Variants in PDE1A observed in about 807,000 individuals in gnomAD.
The protein encoded by PDE1A is dual specificity calcium/calmodulin-dependent 3',5'-cyclic nucleotide phosphodiesterase 1A.
A neutral mutation model predicts 61.7 loss-of-function variants in PDE1A; 35 were observed. The ratio of observed to expected loss-of-function variants is 0.57; its 90% confidence interval spans 0.43 to 0.75. The LOEUF (loss-of-function observed/expected upper bound fraction) is 0.75. Ranked by LOEUF, PDE1A falls within the 30% of genes least tolerant of loss-of-function variation. The pLI is 0.00. For synonymous variants in PDE1A, 232 were observed against 213.2 expected, an observed-to-expected ratio of 1.09 and a Z score of -0.77; for missense variants, 597 against 630.6, an observed-to-expected ratio of 0.95 and a Z score of 0.57.
At chr2:182,404,190 C>T (rs1378555674) in intron 1 of PDE1A, among the ~76,000 whole-genome samples, 2 of 152,138 alleles carry the variant, frequency 1.3e-5, no homozygotes, top group African/African-American at 4.8e-5. Flanking sequence ...GACGACTCTG[C>T]CTTTTTCTCT....
intron 1 of PDE1A, among the ~76,000 whole-genome samples, chr2:182,295,055 A>ATTTT (rs1559306033): frequency 5.2e-5 from 4 of 76,770 alleles, no homozygotes; most frequent in Admixed American, 1.8e-4. Context: ...ATAAAAGGTA[A>ATTTT]TCTTTTTTTT....
chr2:182,177,484 G>T (rs1455551653), intron 13 of PDE1A, among the ~76,000 whole-genome samples: 1 of 152,044 alleles, frequency 6.6e-6, no homozygotes, highest in Non-Finnish European at 1.5e-5. Context: ...AGAGGTGTTT[G>T]TAGTATTCTC....
the PDE1A span, among the ~76,000 whole-genome samples, chr2:182,538,020 T>C: frequency 6.6e-6 from 1 of 152,122 alleles, no homozygotes; most frequent in Admixed American, 6.6e-5. Flanking sequence ...TCCCCTGCAC[T>C]CTCTTTCCCA....
the PDE1A span, among the ~76,000 whole-genome samples, chr2:182,558,178 A>C: frequency 6.6e-6 from 1 of 151,890 alleles, no homozygotes; most frequent in Non-Finnish European, 1.5e-5. Context: ...CTGTTATTTC[A>C]TTCTCACTGG....
At chr2:182,168,294 A>G (rs775143725) in intron 13 of PDE1A, 12 of 586,016 alleles carry the variant, frequency 2.0e-5, no homozygotes, top group Admixed American at 7.0e-5. Context: ...CTTGCTTCTG[A>G]AAAAAAAAAA....
the PDE1A span, among the ~76,000 whole-genome samples, chr2:182,705,616 C>T: frequency 2.7e-4 from 41 of 152,188 alleles, no homozygotes; most frequent in African/African-American, 8.7e-4. Context: ...TAGGTTCAAG[C>T]GATTCTTCTG....
chr2:182,454,341 G>C (rs1324553778), intron 2 of PDE1A, among the ~76,000 whole-genome samples: 1 of 152,042 alleles, frequency 6.6e-6, no homozygotes, highest in Admixed American at 6.6e-5. Flanking sequence ...TGGCCACACT[G>C]CCCAAGGTAA....
At chr2:182,175,119 C>T (rs1172654354) in intron 13 of PDE1A, among the ~76,000 whole-genome samples, 36 of 152,120 alleles carry the variant, frequency 2.4e-4, no homozygotes, top group Non-Finnish European at 2.9e-4. Flanking sequence ...GTATACATGC[C>T]ACATTTTCTT....
At position 182,440,789 on chromosome 2, in the gene PDE1A, G is replaced by GTTT. The variant is rs11394200; in HGVS notation, c.101+81484_101+81486dup. ...TTTATTATACATTTAATTTTCATGG[G>GTTT]TTTTTTTTTGCTTTATTTCTCTTCT... On this transcript the variant is annotated intron_variant, in intron 2 of 14. Transcript: ENST00000410103. Among the ~76,000 whole-genome samples the GTTT allele has an allele frequency of 4.0e-5, 6 of 149,974 alleles. No homozygotes were observed. In the East Asian group the frequency reaches 7.9e-4, roughly 20 times the overall value.
chr2:182,242,088 G>A, intron 2 of PDE1A: 1 of 1,295,152 alleles, frequency 7.7e-7, no homozygotes, highest in Non-Finnish European at 9.8e-7. Flanking sequence ...ATGTCACCAT[G>A]CTCCAAGCAT....
chr2:182,626,330 A>T, the PDE1A span, among the ~76,000 whole-genome samples: 3 of 152,186 alleles, frequency 2.0e-5, no homozygotes, highest in South Asian at 6.2e-4. Flanking sequence ...ATTTCAGAGA[A>T]AGGTTAGTGA....
intron 11 of PDE1A, 26 bp downstream of exon 11, chr2:182,188,953 C>G (rs774207990): frequency 1.3e-6 from 2 of 1,514,956 alleles, no homozygotes; most frequent in Non-Finnish European, 1.8e-6. Context: ...CACTCACTTT[C>G]CACCACCACA....
rs75470352 is a variant in PDE1A, at chr2:182,290,191, C to A, written c.54-25777G>T. ...GAAGACAATTTTACATATTCTATAG[C>A]CTTTTTTGTCCATTAAGCTCAGGAA... On this transcript the variant is annotated intron_variant, in intron 1 of 13. Coordinates refer to ENST00000351439, the Ensembl canonical transcript of PDE1A. Among the ~76,000 whole-genome samples the A allele has an allele frequency of 2.6e-5, 4 of 152,128 alleles. No homozygotes were observed. In the South Asian group the frequency reaches 8.3e-4, roughly 32 times the overall value.
intron 2 of PDE1A, among the ~76,000 whole-genome samples, chr2:182,491,071 T>C (rs1482724626): frequency 6.6e-6 from 1 of 152,226 alleles, no homozygotes; most frequent in Non-Finnish European, 1.5e-5. Context: ...TTTTCGCCAT[T>C]ACTTTTAATG....
At chr2:182,563,657 G>A in the PDE1A span, among the ~76,000 whole-genome samples, 1 of 152,162 alleles carries the variant, frequency 6.6e-6, no homozygotes, top group Non-Finnish European at 1.5e-5. Context: ...ACAGTGGGGT[G>A]TTAAAGTCTC....
intron 2 of PDE1A, among the ~76,000 whole-genome samples, chr2:182,441,668 T>A (rs146486995): frequency 2.0e-5 from 3 of 152,046 alleles, no homozygotes; most frequent in African/African-American, 7.2e-5. Flanking sequence ...CCTTATATAA[T>A]AGGCTGAATC....
At chr2:182,447,388 C>A (rs957748225) in intron 2 of PDE1A, among the ~76,000 whole-genome samples, 5 of 152,044 alleles carry the variant, frequency 3.3e-5, no homozygotes, top group Non-Finnish European at 5.9e-5. Flanking sequence ...CCCATTCTTG[C>A]CAAATTCTGA....
chr2:182,144,791 A>C (rs989670334), downstream of PDE1A, among the ~76,000 whole-genome samples: 22 of 152,212 alleles, frequency 1.4e-4, no homozygotes, highest in African/African-American at 5.3e-4. Context: ...TGTCCACAAA[A>C]CATTTCAAAA....
intron 2 of PDE1A, among the ~76,000 whole-genome samples, chr2:182,249,739 C>A (rs1485054169): frequency 8.4e-5 from 5 of 59,254 alleles, no homozygotes; most frequent in Admixed American, 1.7e-4. Context: ...CAACCCCCCC[C>A]CCAAAAAAAA....
Sources: allele counts gnomAD v4.1 joint callset (sites outside exome capture counted in the v4.1 genomes callset), GRCh38; gene constraint gnomAD v4.1.1; transcripts MANE v1.5; gene names NCBI Gene and HGNC (gene_info 2026-07-23, HGNC 2026-07-21).